Variants in CFAP77 observed in about 807,000 individuals in gnomAD.
CFAP77 encodes cilia and flagella associated protein 77.
In CFAP77, 25 loss-of-function variants were observed where a neutral mutation model predicts 31.1. The ratio of observed to expected loss-of-function variants is 0.80; its 90% confidence interval spans 0.59 to 1.12. CFAP77 has a LOEUF of 1.12. Ranked by LOEUF, CFAP77 falls within the 50% of genes most tolerant of loss-of-function variation. The pLI, the probability that CFAP77 is intolerant of heterozygous loss-of-function variation, is 0.00. For missense variants in CFAP77, 377 were observed against 397.3 expected (o/e 0.95, Z 0.44); for synonymous variants, 151 against 159.9 (o/e 0.94, Z 0.42).
chr9:132,471,452 C>G (rs775017921), intron 1 of CFAP77, among the ~76,000 whole-genome samples: 38 of 152,184 alleles, frequency 2.5e-4, no homozygotes, highest in Admixed American at 1.4e-3. Flanking sequence ...GACCCCCCCC[C>G]ACCGTTGCCC....
intron 5 of CFAP77, among the ~76,000 whole-genome samples, chr9:132,549,710 C>T (rs1192243905): frequency 4.6e-5 from 7 of 152,066 alleles, no homozygotes; most frequent in African/African-American, 1.7e-4. Context: ...TGATGGCAGG[C>T]ACCTGTAATC....
chr9:132,500,799 G>A (rs1851828487), intron 3 of CFAP77, among the ~76,000 whole-genome samples: 1 of 152,180 alleles, frequency 6.6e-6, no homozygotes, highest in African/African-American at 2.4e-5. Context: ...TGTCAACAAG[G>A]GCACGACCGG....
Position 132,455,610 on chromosome 9 carries a change from G to A in CFAP77, c.196-43085G>A, listed in dbSNP as rs1311571896. Among the ~76,000 whole-genome samples, 1 of 151,878 alleles carries A rather than the reference G, an allele frequency of 6.6e-6. No individual in the cohort carries two copies. The highest frequency in any genetic ancestry group is 1.5e-5 in the Non-Finnish European group (1 of 67,986). Reference sequence around the variant, plus strand: ...GCTCTGTATGATGGTACATGCCTGTGGTCCCAGCTACTCAGGAGGCTGAGG... The same window carrying A: ...GCTCTGTATGATGGTACATGCCTGTAGTCCCAGCTACTCAGGAGGCTGAGG... On this transcript the variant is annotated intron_variant, in intron 1 of 5. Transcript: ENST00000393216. This position sits in a 1 kb window ranked among gnomAD's most constrained non-coding sequence, Gnocchi z 4.1.
At chr9:132,529,316 A>G (rs1220627264) in intron 3 of CFAP77, among the ~76,000 whole-genome samples, 10 of 122,450 alleles carry the variant, frequency 8.2e-5, no homozygotes, top group African/African-American at 2.7e-4. Flanking sequence ...ATGAGATCAC[A>G]TGGACACAGG....
At chr9:132,464,119 T>TC (rs1851109992) in intron 1 of CFAP77, among the ~76,000 whole-genome samples, 1 of 152,144 alleles carries the variant, frequency 6.6e-6, no homozygotes, top group Admixed American at 6.5e-5. Flanking sequence ...ACAACAAAGT[T>TC]CAGGTATTTC....
At chr9:132,477,989 C>A (rs564802999) in intron 1 of CFAP77, among the ~76,000 whole-genome samples, 24 of 152,280 alleles carry the variant, frequency 1.6e-4, no homozygotes, top group African/African-American at 5.5e-4. Flanking sequence ...TCTTTGAAAA[C>A]TAAGACAGGA....
intron 1 of CFAP77, among the ~76,000 whole-genome samples, chr9:132,419,839 G>C (rs1589839074): frequency 6.6e-6 from 1 of 152,122 alleles, no homozygotes. Context: ...GAGAGAACCA[G>C]ACTTTGCACA....
Position 132,424,170 on chromosome 9 carries a change from G to A in CFAP77, c.195+13704G>A, listed in dbSNP as rs1048270392. On this transcript the variant is annotated intron_variant, in intron 1 of 5. Coordinates refer to ENST00000393216, the MANE Select transcript of CFAP77 (RefSeq NM_001282957.2). The surrounding 1 kb of genome is among the most constrained non-coding windows in gnomAD (Gnocchi z 4.1). ...CGCCTGTAATCGCAGCACTTTGGGA[G>A]GCAGAGGCAGGCAGATCATGAGGTC... Among the ~76,000 whole-genome samples, 2 of 152,192 alleles carry A rather than the reference G, an allele frequency of 1.3e-5. No homozygotes were observed. Among genetic ancestry groups the A allele is most frequent in the African/African-American group, 4.8e-5 (2 of 41,438 alleles).
At chr9:132,460,072 G>A (rs1851023952) in intron 1 of CFAP77, among the ~76,000 whole-genome samples, 1 of 152,156 alleles carries the variant, frequency 6.6e-6, no homozygotes, top group South Asian at 2.1e-4. Context: ...GTAAGCAGAA[G>A]GGCTTCCTGA....
chr9:132,537,518 AGGCTCCCGGGGGCG>A, intron 3 of CFAP77, 69 bp from the exon 4 acceptor site: 1 of 948,242 alleles, frequency 1.1e-6, no homozygotes, highest in South Asian at 1.6e-5. Context: ...GACGTTTAGG[AGGCTCCCGGGGGCG>A]GGCGGTGGGG....
chr9:132,411,177 C>T (rs1198802895), intron 1 of CFAP77, among the ~76,000 whole-genome samples: 2 of 152,212 alleles, frequency 1.3e-5, no homozygotes, highest in African/African-American at 4.8e-5. Flanking sequence ...TCCCGGGGGC[C>T]ACTGGAGAAG....
intron 1 of CFAP77, among the ~76,000 whole-genome samples, chr9:132,439,916 C>G (rs1049025722): frequency 6.6e-6 from 1 of 151,652 alleles, no homozygotes; most frequent in Non-Finnish European, 1.5e-5. Context: ...TCTTATTCCT[C>G]GATCCTATGG....
chr9:132,479,261 T>G (rs1215301606), intron 1 of CFAP77, among the ~76,000 whole-genome samples: 1 of 152,192 alleles, frequency 6.6e-6, no homozygotes, highest in Non-Finnish European at 1.5e-5. Context: ...CAACCCCTCA[T>G]GCCCAGCTCA....
chr9:132,525,266 C>T (rs117477041), intron 3 of CFAP77, among the ~76,000 whole-genome samples: 1,961 of 152,188 alleles, frequency 0.013, 15 homozygotes, highest in Non-Finnish European at 0.021. Context: ...GTGATCCACC[C>T]GCGTTGGCCT....
At chr9:132,438,536 TATA>T (rs1249202327) in intron 1 of CFAP77, among the ~76,000 whole-genome samples, 45 of 117,542 alleles carry the variant, frequency 3.8e-4, no homozygotes, top group African/African-American at 1.8e-3. Context: ...TATATATATA[TATA>T]TATTTTTTTT....
chr9:132,519,388 A>G (rs1852208695), intron 3 of CFAP77, among the ~76,000 whole-genome samples: 1 of 83,362 alleles, frequency 1.2e-5, no homozygotes, highest in African/African-American at 4.7e-5. Flanking sequence ...GGATAGGTGG[A>G]TGGATGGGTG....
chr9:132,458,121 G>A (rs1564210820), intron 1 of CFAP77, among the ~76,000 whole-genome samples: 1 of 152,198 alleles, frequency 6.6e-6, no homozygotes, highest in African/African-American at 2.4e-5. Context: ...TACTCAGAGC[G>A]GCCTTGCGGT....
chr9:132,507,860 C>G (rs550674895), intron 3 of CFAP77, among the ~76,000 whole-genome samples: 3 of 151,304 alleles, frequency 2.0e-5, no homozygotes, highest in Non-Finnish European at 4.4e-5. Flanking sequence ...GTGGATCTCG[C>G]AAAGATCCCC....
At chr9:132,457,804 C>T (rs972914388) in intron 1 of CFAP77, among the ~76,000 whole-genome samples, 2 of 152,230 alleles carry the variant, frequency 1.3e-5, no homozygotes, top group East Asian at 1.9e-4. Flanking sequence ...GGAAGGGAGA[C>T]GCGAAGGCGG....
Sources: gnomAD v4.1 joint callset for allele counts (sites outside exome capture counted in the v4.1 genomes callset) on GRCh38, gnomAD v4.1.1 for gene constraint, Gnocchi (gnomAD v3.1) non-coding constraint, MANE v1.5 for transcripts, NCBI Gene and HGNC (gene_info 2026-07-23, HGNC 2026-07-21) for gene names.